Variants in ARID4A observed in about 807,000 individuals in gnomAD.
The protein encoded by ARID4A is AT-rich interaction domain 4A.
A neutral mutation model predicts 148.6 loss-of-function variants in ARID4A; 39 were observed. The ratio of observed to expected loss-of-function variants is 0.26; its 90% confidence interval spans 0.20 to 0.34. The LOEUF is 0.34. ARID4A is among the 10% of genes least tolerant of loss of function. The probability of loss-of-function intolerance (pLI) is 1.00; values close to 1 mark genes in which losing one functional copy is unlikely to be tolerated. For missense variants in ARID4A, 1,265 were observed against 1,449.1 expected, an observed-to-expected ratio of 0.87 and a Z score of 2.06; for synonymous variants, 475 against 481.2, an observed-to-expected ratio of 0.99 and a Z score of 0.17.
chr14:58,312,300 T>C (rs1443666840), intron 5 of ARID4A, among the ~76,000 whole-genome samples: 1 of 151,478 alleles, frequency 6.6e-6, no homozygotes, highest in Non-Finnish European at 1.5e-5. Flanking sequence ...CACTGTAAGC[T>C]CCACCTCCCA....
intron 11 of ARID4A, among the ~76,000 whole-genome samples, chr14:58,337,229 T>C (rs1435038921): frequency 7.1e-6 from 1 of 141,472 alleles, no homozygotes; most frequent in African/African-American, 2.6e-5. Flanking sequence ...ACAAATCTCC[T>C]AGAACCTTCT....
intron 17 of ARID4A, among the ~76,000 whole-genome samples, chr14:58,354,111 A>T (rs1467417159): frequency 6.6e-6 from 1 of 152,194 alleles, no homozygotes; most frequent in East Asian, 1.9e-4. Flanking sequence ...GAGAACACAC[A>T]GCAAGGGGAA....
Position 58,304,872 on chromosome 14 carries a change from T to A in ARID4A, c.118-72T>A, listed in dbSNP as rs1220461818. 4.1e-6 allele frequency: 5 copies of A among 1,224,022 alleles called. No individual in the cohort carries two copies. In the African/African-American group the frequency reaches 7.6e-5, roughly 19 times the overall value. The allele number at this position is 1,224,022 out of a possible 1,614,324, so 75.8% of individuals were successfully genotyped here. A position where few individuals can be genotyped will look rare whatever the true frequency, so the allele number is the denominator to read the frequency against. On this transcript the variant is annotated intron_variant, in intron 3 of 23. Coordinates refer to ENST00000355431, the MANE Select transcript of ARID4A (RefSeq NM_002892.4). ...AAGAAAGCATAAATTAAAGACATTA[T>A]TGTTATAGTGTTACTATAAATGTAT...
rs1320932843 is a variant in ARID4A, at chr14:58,372,754, CA to C, written c.*770del. ...TAATTTCAGAGTTTTTATTTTGTTA[CA>C]AAAAGACAAAAATGAAATATATAAC... On this transcript the variant is annotated 3_prime_UTR_variant, in exon 24 of 24. Transcript: ENST00000355431. 5 of 181,462 alleles carry C rather than the reference CA, an allele frequency of 2.8e-5. No individual in the cohort carries two copies. Among genetic ancestry groups the C allele is most frequent in the East Asian group, 2.7e-4 (3 of 10,946 alleles). The allele number at this position is 181,462 out of a possible 1,614,324, so 11.2% of individuals were successfully genotyped here. A position where few individuals can be genotyped will look rare whatever the true frequency, so the allele number is the denominator to read the frequency against.
intron 17 of ARID4A, among the ~76,000 whole-genome samples, chr14:58,355,400 A>G (rs1452055839): frequency 6.6e-6 from 1 of 152,230 alleles, no homozygotes; most frequent in Non-Finnish European, 1.5e-5. Context: ...GATTTTTCCT[A>G]TACATACATA....
chr14:58,365,764 A>G lies in ARID4A; in HGVS notation c.3316+142A>G, dbSNP rs2035334781. The stretch of plus-strand genomic sequence containing the variant: ...ACAGTATTATACTAGATATTTTGCC[A>G]TTTTTATTCTTAGGAACTCTAGCTC... On this transcript the variant is annotated intron_variant, in intron 21 of 23. Coordinates refer to ENST00000355431, the MANE Select transcript of ARID4A (RefSeq NM_002892.4). 1.4e-5 allele frequency: 11 copies of G among 802,006 alleles called. No individual in the cohort carries two copies. The East Asian group carries it at 2.7e-4, about 20-fold the overall frequency. The allele number at this position is 802,006 out of a possible 1,614,324, so 49.7% of individuals were successfully genotyped here.
intron 22 of ARID4A, among the ~76,000 whole-genome samples, chr14:58,366,567 A>C (rs1256787021): frequency 1.3e-5 from 2 of 152,202 alleles, no homozygotes; most frequent in Non-Finnish European, 2.9e-5. Flanking sequence ...AGTGAAGAAA[A>C]TGTCAATACA....
chr14:58,363,677 C>A (rs2035229852), intron 19 of ARID4A, among the ~76,000 whole-genome samples: 1 of 151,950 alleles, frequency 6.6e-6, no homozygotes, highest in Admixed American at 6.6e-5. Flanking sequence ...GCCTGGGCAA[C>A]CAAGTGAGAC....
At chr14:58,299,160 A>G (rs1485738438) in intron 1 of ARID4A, among the ~76,000 whole-genome samples, 2 of 151,732 alleles carry the variant, frequency 1.3e-5, no homozygotes, top group Admixed American at 6.6e-5. Flanking sequence ...CCCCTCCCAC[A>G]CCCTGTCCGG....
At chr14:58,345,862 C>T (rs1325187710) in intron 12 of ARID4A, among the ~76,000 whole-genome samples, 1 of 151,376 alleles carries the variant, frequency 6.6e-6, no homozygotes, top group African/African-American at 2.4e-5. Context: ...TCCCAAGTAC[C>T]TGGGACCACA....
chr14:58,310,153 A>G (rs2031911748), intron 5 of ARID4A, among the ~76,000 whole-genome samples: 1 of 151,642 alleles, frequency 6.6e-6, no homozygotes, highest in Admixed American at 6.6e-5. Context: ...TTCCCATGAT[A>G]TTTTCTTAAT....
intron 16 of ARID4A, among the ~76,000 whole-genome samples, chr14:58,352,829 A>G (rs375161226): frequency 3.3e-5 from 5 of 152,130 alleles, no homozygotes; most frequent in African/African-American, 1.2e-4. Context: ...TTGATACACA[A>G]TATTTTATTA....
Position 58,346,485 on chromosome 14 carries a change from C to G in ARID4A, c.1054C>G (p.His352Asp), listed in dbSNP as rs1483406899. 1.2e-6 allele frequency: 2 copies of G among 1,608,490 alleles called. No homozygotes were observed. The highest frequency in any genetic ancestry group is 1.7e-6 in the Non-Finnish European group (2 of 1,176,144). The part of the protein sequence containing the change: ...NLFKLFRLVY[H>D]QGGCDNIDSG... ...CTTCAAACTCTTCAGACTGGTTTATCATCAGGGTGGATGTGACAATGTAAG... is the reference window on the plus strand; with the variant it reads ...CTTCAAACTCTTCAGACTGGTTTATGATCAGGGTGGATGTGACAATGTAAG... The change falls in exon 13 of 24, where the codon CAT becomes GAT. Residue 352 changes from histidine (H) to aspartate (D), a missense_variant. Transcript: ENST00000355431.
chr14:58,320,167 C>T (rs1360647488), intron 7 of ARID4A, among the ~76,000 whole-genome samples: 1 of 151,708 alleles, frequency 6.6e-6, no homozygotes. Flanking sequence ...AGGATGATCT[C>T]GATCTCTTGA....
chr14:58,309,416 T>C (rs572815222), intron 5 of ARID4A, among the ~76,000 whole-genome samples: 3 of 152,368 alleles, frequency 2.0e-5, no homozygotes, highest in South Asian at 2.1e-4. Context: ...ATCCTTGCCA[T>C]TAAAGATAAG....
chr14:58,350,623 C>T (rs150745930), intron 15 of ARID4A, among the ~76,000 whole-genome samples: 68 of 152,232 alleles, frequency 4.5e-4, no homozygotes, highest in Non-Finnish European at 8.7e-4. Context: ...GTCTTACTAA[C>T]GGTAGAATTA....
chr14:58,356,190 A>G (rs1209352993), intron 17 of ARID4A, among the ~76,000 whole-genome samples: 1 of 152,212 alleles, frequency 6.6e-6, no homozygotes, highest in Non-Finnish European at 1.5e-5. Context: ...AAGTACCTAC[A>G]TGATATATTG....
chr14:58,359,576 A>C (rs2035042308), intron 18 of ARID4A, among the ~76,000 whole-genome samples: 1 of 152,092 alleles, frequency 6.6e-6, no homozygotes, highest in South Asian at 2.1e-4. Flanking sequence ...TACTGCCCTA[A>C]AAATCCTTTA....
chr14:58,317,227 T>C (rs986691744), intron 5 of ARID4A, among the ~76,000 whole-genome samples: 2 of 150,676 alleles, frequency 1.3e-5, no homozygotes, highest in African/African-American at 4.9e-5. Context: ...AGCAAAAAAT[T>C]TGAGAAAGCA....
Sources: allele counts gnomAD v4.1 joint callset (sites outside exome capture counted in the v4.1 genomes callset), GRCh38; gene constraint gnomAD v4.1.1; transcripts MANE v1.5; gene names NCBI Gene and HGNC (gene_info 2026-07-23, HGNC 2026-07-21).